The following RALGDS variants were observed in gnomAD, a reference collection of about 807,000 sequenced individuals.
RALGDS encodes the protein ral guanine nucleotide dissociation stimulator.
A neutral mutation model predicts 99.8 loss-of-function variants in RALGDS; 44 were observed. The observed-to-expected ratio is 0.44, with a 90% CI of 0.35 to 0.57. The LOEUF (loss-of-function observed/expected upper bound fraction) is 0.57. Ranked by LOEUF, RALGDS falls within the 20% of genes least tolerant of loss-of-function variation. The probability of loss-of-function intolerance (pLI) is 0.01; values close to 1 mark genes in which losing one functional copy is unlikely to be tolerated. For synonymous variants in RALGDS, 529 were observed against 505.0 expected (o/e 1.05, Z -0.64); for missense variants, 1,022 against 1,203.1 (o/e 0.85, Z 2.23).
Position 133,098,284 on chromosome 9 carries a change from G to A in RALGDS, c.*303C>T. On this transcript the variant is annotated 3_prime_UTR_variant, in exon 18 of 18. Transcript: ENST00000372050. Reference sequence around the variant, plus strand: ...TGGGAAGGTGTCAGGGAAGTGTACAGAGGTGGCGCCCGGGGGCAGGCAGGG... The same window carrying A: ...TGGGAAGGTGTCAGGGAAGTGTACAAAGGTGGCGCCCGGGGGCAGGCAGGG... 1 of 475,076 alleles carries A rather than the reference G, an allele frequency of 2.1e-6. No homozygotes were observed. Among genetic ancestry groups the A allele is most frequent in the South Asian group, 2.0e-5 (1 of 49,010 alleles). 29.4% of individuals were successfully genotyped at this position (475,076 alleles called of 1,614,324 possible). A position where few individuals can be genotyped will look rare whatever the true frequency, so the allele number is the denominator to read the frequency against.
Position 133,101,792 on chromosome 9 carries a change from C to T in RALGDS, c.2212-30G>A, listed in dbSNP as rs751673105. On this transcript the variant is annotated intron_variant, in intron 15 of 17. Transcript: ENST00000372050. ...GGGAGACGGTAAGATCAGCAGATCC[C>T]ACTGCCCTGTGGGGGCACCCCAGGC... The T allele has an allele frequency of 6.3e-6, 10 of 1,576,772 alleles. 1 individual carries two copies. Among genetic ancestry groups the T allele is most frequent in the Non-Finnish European group, 7.8e-6 (9 of 1,161,166 alleles).
chr9:133,145,892 G>A (rs1832615468), intron 1 of RALGDS, among the ~76,000 whole-genome samples: 2 of 152,122 alleles, frequency 1.3e-5, no homozygotes, highest in African/African-American at 4.8e-5. Context: ...GAAGGAAAAG[G>A]GCCTTCAGAG....
intron 1 of RALGDS, chr9:133,129,435 G>A (rs779336582): frequency 2.3e-4 from 322 of 1,402,082 alleles, no homozygotes; most frequent in Non-Finnish European, 2.8e-4. Flanking sequence ...GGTGTCACCC[G>A]CGTGGCTGTC....
chr9:133,116,108 C>G (rs1396542587), intron 1 of RALGDS, among the ~76,000 whole-genome samples: 2 of 150,146 alleles, frequency 1.3e-5, no homozygotes. Flanking sequence ...TGAGCCCCAT[C>G]AAGGGAGGTG....
chr9:133,144,397 G>A lies in RALGDS; in HGVS notation c.18+4566C>T, dbSNP rs1011015830. On this transcript the variant is annotated intron_variant, in intron 1 of 17. Coordinates refer to the RALGDS transcript ENST00000393160. The surrounding 1 kb of genome is among the most constrained non-coding windows in gnomAD (Gnocchi z 4.5). ...GTCACCTCCTCCTCCGCCCCCCGCC[G>A]GCCTCCGACGCAAAGTCGCCACCCA... Among the ~76,000 whole-genome samples, 3 of 151,968 alleles carry A rather than the reference G, an allele frequency of 2.0e-5. No individual in the cohort carries two copies. Among genetic ancestry groups the A allele is most frequent in the African/African-American group, 7.3e-5 (3 of 41,368 alleles).
intron 8 of RALGDS, among the ~76,000 whole-genome samples, chr9:133,106,250 T>C (rs1029042777): frequency 6.6e-6 from 1 of 151,988 alleles, no homozygotes; most frequent in Non-Finnish European, 1.5e-5. Flanking sequence ...TTTTCTTTTT[T>C]TGGAGACAGT....
intron 1 of RALGDS, among the ~76,000 whole-genome samples, chr9:133,146,712 C>G (rs1832629369): frequency 6.6e-6 from 1 of 152,234 alleles, no homozygotes; most frequent in Non-Finnish European, 1.5e-5. Context: ...TGACTTCTGT[C>G]TTGCTTGTTT....
In RALGDS at chr9:133,109,691, G is replaced by T. The variant is rs201188162; in HGVS notation, c.519C>A (p.Ser173=). The change falls in exon 4 of 18, where the codon TCC becomes TCA. Residue 173 remains serine, a synonymous_variant. Transcript: ENST00000372050. ...RYGRCDALTA[S]SRYGCILPYS... is the part of the protein sequence containing the mutation. ...AGGGGAGGATGCAGCCGTATCTAGAGGAGGCCGTGAGGGCGTCACATCTAC... is the reference window on the plus strand; with the variant it reads ...AGGGGAGGATGCAGCCGTATCTAGATGAGGCCGTGAGGGCGTCACATCTAC... 3 of 1,613,874 alleles carry T rather than the reference G, an allele frequency of 1.9e-6. No homozygotes were observed. The highest frequency in any genetic ancestry group is 2.5e-6 in the Non-Finnish European group (3 of 1,179,976).
At chr9:133,122,796 T>C (rs1831995437), upstream of RALGDS, among the ~76,000 whole-genome samples, 1 of 150,686 alleles carries the variant, frequency 6.6e-6, no homozygotes, top group South Asian at 2.1e-4. Flanking sequence ...CCTCCGCCTC[T>C]TGGGGTCAAG....
Position 133,106,762 on chromosome 9 carries a change from A to G in RALGDS, c.1414-14T>C. On this transcript the variant is annotated splice_polypyrimidine_tract_variant and intron_variant, in intron 7 of 17. Coordinates refer to ENST00000372050, the MANE Select transcript of RALGDS (RefSeq NM_006266.4). Reference sequence around the variant, plus strand: ...GATCCGGCACTCCTGGGGCGGGAAGAGCAGGAGGCATGAGGTGGGGCTGGA... The same window carrying G: ...GATCCGGCACTCCTGGGGCGGGAAGGGCAGGAGGCATGAGGTGGGGCTGGA... 6.3e-7 allele frequency: 1 copy of G among 1,582,686 alleles called. No individual in the cohort carries two copies. Among genetic ancestry groups the G allele is most frequent in the Non-Finnish European group, 8.7e-7 (1 of 1,154,576 alleles).
intron 2 of RALGDS, among the ~76,000 whole-genome samples, chr9:133,110,765 A>G (rs7851015): frequency 0.062 from 9,382 of 152,180 alleles, 994 homozygotes; most frequent in African/African-American, 0.21. Flanking sequence ...CCAGCTCTAC[A>G]AAAAAATTGT....
In RALGDS at chr9:133,098,214, G is replaced by T. The variant is rs768107412; in HGVS notation, c.*373C>A. 15 of 403,936 alleles carry T rather than the reference G, an allele frequency of 3.7e-5. No homozygotes were observed. Among genetic ancestry groups the T allele is most frequent in the Non-Finnish European group, 5.6e-5 (12 of 216,122 alleles). 25.0% of individuals were successfully genotyped at this position (403,936 alleles called of 1,614,324 possible). A position where few individuals can be genotyped will look rare whatever the true frequency, so the allele number is the denominator to read the frequency against. ...TGAGAGAACTGCAGTGGTCACAGTG[G>T]GTGCTCTGGGGTGCCCATGGGCACA... is the stretch of plus-strand genomic sequence containing the variant. On this transcript the variant is annotated 3_prime_UTR_variant, in exon 18 of 18. Coordinates refer to ENST00000372050, the MANE Select transcript of RALGDS (RefSeq NM_006266.4).
chr9:133,101,188 A>C, intron 16 of RALGDS: 1 of 1,215,618 alleles, frequency 8.2e-7, no homozygotes, highest in Admixed American at 3.6e-5. Flanking sequence ...GCCAGCCATC[A>C]TTGCTCCTGT....
chr9:133,137,413 ACT>A (rs1203136275), intron 1 of RALGDS, among the ~76,000 whole-genome samples: 1 of 152,142 alleles, frequency 6.6e-6, no homozygotes, highest in African/African-American at 2.4e-5. Flanking sequence ...GATGGGCCAG[ACT>A]CTAAAATATT....
chr9:133,102,658 C>T (rs1830815105), intron 13 of RALGDS, 87 bp from the exon 14 acceptor site: 1 of 1,604,296 alleles, frequency 6.2e-7, no homozygotes, highest in Non-Finnish European at 8.5e-7. Context: ...AGTCGGGGTG[C>T]CCCGGCCATC....
chr9:133,137,405 T>C (rs598123), intron 1 of RALGDS, among the ~76,000 whole-genome samples: 140,868 of 152,296 alleles, frequency 0.92, 65,260 homozygotes, highest in East Asian at 1. Flanking sequence ...GTGAGCTCGA[T>C]GGGCCAGACT....
upstream of RALGDS, among the ~76,000 whole-genome samples, chr9:133,131,364 A>G (rs1221741772): frequency 6.6e-6 from 1 of 151,326 alleles, no homozygotes; most frequent in East Asian, 2.0e-4. Flanking sequence ...ACCTCCCTGT[A>G]CTCACCCTGT....
At chr9:133,109,465 T>C (rs973089717) in intron 4 of RALGDS, among the ~76,000 whole-genome samples, 161 bp downstream of exon 4, 1 of 151,750 alleles carries the variant, frequency 6.6e-6, no homozygotes, top group Non-Finnish European at 1.5e-5. Context: ...TCTTTCTTCC[T>C]GCAGGCGAAG....
intron 1 of RALGDS, chr9:133,148,857 C>A: frequency 7.0e-7 from 1 of 1,421,602 alleles, no homozygotes; most frequent in Non-Finnish European, 9.6e-7. Context: ...TAAGCGCACG[C>A]TCAGCGTGGA....
Sources: gnomAD v4.1 joint callset for allele counts (sites outside exome capture counted in the v4.1 genomes callset) on GRCh38, gnomAD v4.1.1 for gene constraint, Gnocchi (gnomAD v3.1) non-coding constraint, MANE v1.5 for transcripts, NCBI Gene and HGNC (gene_info 2026-07-23, HGNC 2026-07-21) for gene names.